Variants in WFDC3 observed in about 807,000 individuals in gnomAD.
The protein encoded by WFDC3 is WAP four-disulfide core domain 3.
In WFDC3, 15 loss-of-function variants were observed where a neutral mutation model predicts 25.8. The ratio of observed to expected loss-of-function variants is 0.58; its 90% CI spans 0.39 to 0.89. WFDC3 has a LOEUF of 0.89. WFDC3 is among the 40% of genes least tolerant of loss of function. WFDC3 has a pLI of 0.00. For missense variants in WFDC3, 264 were observed against 289.8 expected (o/e 0.91, Z 0.65); for synonymous variants, 103 against 107.1 (o/e 0.96, Z 0.24).
chr20:45,789,041 G>A lies in WFDC3; in HGVS notation c.101C>T (p.Pro34Leu), dbSNP rs759472246. 10 of 1,612,366 alleles carry A rather than the reference G, an allele frequency of 6.2e-6. No individual in the cohort carries two copies. In the East Asian group the frequency reaches 1.6e-4, roughly 25 times the overall value. ...AGEHAKEGEC[P>L]PHKNPCKELC... ...CTCTTTGCATGGGTTCTTATGGGGA[G>A]GGCATTCTCCCTCTTTTGCTGCAAA... The change falls in exon 3 of 7, where the codon CCT becomes CTT. Residue 34 changes from proline to leucine, a missense_variant. By Grantham distance (98) the Pro-to-Leu change is moderately conservative. Coordinates refer to ENST00000243938, the MANE Select transcript of WFDC3 (RefSeq NM_080614.2).
At chr20:45,787,392 G>A (rs915645471) in intron 4 of WFDC3, among the ~76,000 whole-genome samples, 12 of 141,190 alleles carry the variant, frequency 8.5e-5, no homozygotes, top group African/African-American at 2.9e-4. Context: ...CTGGGTTCAC[G>A]CCATTCTCCT....
chr20:45,788,053 C>T (rs1980769933), intron 3 of WFDC3, 71 bp from the exon 4 acceptor site: 4 of 1,515,000 alleles, frequency 2.6e-6, no homozygotes, highest in East Asian at 4.9e-5. Context: ...CCTGTAATCC[C>T]AGCACTTTGG....
At chr20:45,774,942 CAAAAAA>C (rs3080049) in intron 6 of WFDC3, among the ~76,000 whole-genome samples, 2 of 118,190 alleles carry the variant, frequency 1.7e-5, no homozygotes, top group Non-Finnish European at 3.5e-5. Flanking sequence ...AACTCCATCT[CAAAAAA>C]AAAAAAAAAA....
intron 4 of WFDC3, 96 bp downstream of exon 4, chr20:45,787,739 TA>T: frequency 4.1e-6 from 6 of 1,446,628 alleles, no homozygotes; most frequent in Non-Finnish European, 5.5e-6. Context: ...TCTTAGAATA[TA>T]GCAGCAAAGT....
At chr20:45,780,159 C>A (rs1226328391) in intron 4 of WFDC3, among the ~76,000 whole-genome samples, 1 of 145,572 alleles carries the variant, frequency 6.9e-6, no homozygotes, top group African/African-American at 2.5e-5. Context: ...GCCTCAAACT[C>A]TTGAACTCCT....
In WFDC3 at chr20:45,776,634, AAATATAT is replaced by A. The variant is rs1486385096; in HGVS notation, c.493+434_493+440del. On this transcript the variant is annotated intron_variant, in intron 5 of 6. Coordinates refer to ENST00000243938, the MANE Select transcript of WFDC3 (RefSeq NM_080614.2). ...AAAAGAAAAAAAAGAAAAAAAAAAA[AAATATAT>A]ATATATATATATATATATATGTGTG... Among the ~76,000 whole-genome samples, 511 of 68,726 alleles carry A rather than the reference AAATATAT, an allele frequency of 7.4e-3. 5 individuals carry two copies. The highest frequency in any genetic ancestry group is 0.023 in the African/African-American group (383 of 16,612). The allele number at this position is 68,726 out of a possible 152,430, so 45.1% of individuals were successfully genotyped here.
intron 4 of WFDC3, among the ~76,000 whole-genome samples, chr20:45,780,476 C>T (rs1293234611): frequency 6.6e-6 from 1 of 152,186 alleles, no homozygotes; most frequent in Non-Finnish European, 1.5e-5. Context: ...CAGGCAGGAT[C>T]CTCTGTCTTT....
rs920370892 is a variant in WFDC3 at position 45,787,782 on chromosome 20, G to A, written c.358+54C>T. ...AACAAGCTGATATGTGCATATTTGA[G>A]AAATAAACAAGCAGACCAAACAGAC... On this transcript the variant is annotated intron_variant, in intron 4 of 6. Coordinates refer to ENST00000243938, the MANE Select transcript of WFDC3 (RefSeq NM_080614.2). The A allele has an allele frequency of 6.5e-6, 10 of 1,549,858 alleles. No homozygotes were observed. The East Asian group carries it at 2.3e-4, about 36-fold the overall frequency.
chr20:45,785,689 T>C (rs1197127862), intron 4 of WFDC3, among the ~76,000 whole-genome samples: 2 of 151,990 alleles, frequency 1.3e-5, no homozygotes, highest in Non-Finnish European at 2.9e-5. Flanking sequence ...ATGAAAATCG[T>C]GAAACAAGAG....
chr20:45,785,786 G>A (rs1403947402), intron 4 of WFDC3, among the ~76,000 whole-genome samples: 1 of 152,114 alleles, frequency 6.6e-6, no homozygotes, highest in Non-Finnish European at 1.5e-5. Context: ...AGAAGGAATA[G>A]AGCAGAGAGC....
chr20:45,782,960 A>C (rs1248990143), intron 4 of WFDC3, among the ~76,000 whole-genome samples: 4 of 152,106 alleles, frequency 2.6e-5, no homozygotes, highest in Non-Finnish European at 5.9e-5. Context: ...CCAACCTCAA[A>C]TGAAAGCAGC....
Sources: allele counts gnomAD v4.1 joint callset (sites outside exome capture counted in the v4.1 genomes callset), GRCh38; gene constraint gnomAD v4.1.1; transcripts MANE v1.5; gene names NCBI Gene and HGNC (gene_info 2026-07-23, HGNC 2026-07-21).